The following HOMER2 variants were observed in gnomAD, a reference collection of about 807,000 sequenced individuals.
The protein encoded by HOMER2 is homer scaffold protein 2, also known as homer protein homolog 2.
HOMER2 carries 27 observed loss-of-function variants against 47.0 expected under a neutral mutation model. The ratio of observed to expected loss-of-function variants is 0.57; its 90% confidence interval spans 0.42 to 0.79. The LOEUF (loss-of-function observed/expected upper bound fraction) is 0.79. Among genes scored for constraint, HOMER2 ranks in the 30% least tolerant of loss-of-function variants. The pLI, the probability that HOMER2 is intolerant of heterozygous loss-of-function variation, is 0.00. For missense variants in HOMER2, 443 were observed against 435.0 expected, an observed-to-expected ratio of 1.02 and a Z score of -0.16; for synonymous variants, 161 against 163.8, an observed-to-expected ratio of 0.98 and a Z score of 0.13.
chr15:82,893,122 A>G (rs1179489358), intron 1 of HOMER2, among the ~76,000 whole-genome samples: 1 of 152,166 alleles, frequency 6.6e-6, no homozygotes, highest in African/African-American at 2.4e-5. Flanking sequence ...AGTGTTTTCG[A>G]ATCCCCGTCA....
intron 1 of HOMER2, among the ~76,000 whole-genome samples, chr15:82,928,821 A>G (rs1332261422): frequency 6.6e-6 from 1 of 151,692 alleles, no homozygotes; most frequent in Admixed American, 6.6e-5. Flanking sequence ...GATTTGAGAA[A>G]CCAGTCCCGA....
chr15:82,840,937 CAG>C, exon 2 of HOMER2: 1 of 151,570 alleles, frequency 6.6e-6, no homozygotes. Flanking sequence ...CATAGAAAAA[CAG>C]AGCTTCCCAA....
chr15:82,910,638 T>C (rs190516166), intron 1 of HOMER2, among the ~76,000 whole-genome samples: 1 of 152,196 alleles, frequency 6.6e-6, no homozygotes, highest in Non-Finnish European at 1.5e-5. Flanking sequence ...CTGCTTTAGA[T>C]AATAGGGAAG....
intron 1 of HOMER2, among the ~76,000 whole-genome samples, chr15:82,940,005 G>C (rs2151215711): frequency 6.6e-6 from 1 of 152,290 alleles, no homozygotes; most frequent in Middle Eastern, 3.4e-3. Context: ...CTCATAAGTG[G>C]GAATTGAACA....
At chr15:82,845,823 T>C (rs1227231115), downstream of HOMER2, 4 of 152,226 alleles carry the variant, frequency 2.6e-5, no homozygotes, top group Non-Finnish European at 4.4e-5. Context: ...TGTCCCTGGT[T>C]TCTATAGAGA....
At chr15:82,851,829 C>T (rs1256846593) in intron 7 of HOMER2, among the ~76,000 whole-genome samples, 2 of 152,162 alleles carry the variant, frequency 1.3e-5, no homozygotes, top group Non-Finnish European at 2.9e-5. Flanking sequence ...GGGTCTCTAG[C>T]GGCATTAATT....
At chr15:82,852,404 A>T in intron 6 of HOMER2, 152 bp from the exon 7 acceptor site, 2 of 594,696 alleles carry the variant, frequency 3.4e-6, no homozygotes, top group Admixed American at 3.1e-5. Context: ...AACAAACCCC[A>T]TGCAGCTCCA....
chr15:82,945,586 C>T (rs528196883), intron 1 of HOMER2, among the ~76,000 whole-genome samples: 37 of 151,930 alleles, frequency 2.4e-4, no homozygotes, highest in Non-Finnish European at 4.1e-4. Flanking sequence ...CTTCTTTATG[C>T]TGTTATTTTT....
chr15:82,974,915 C>G (rs989820605), intron 1 of HOMER2, among the ~76,000 whole-genome samples: 1 of 152,000 alleles, frequency 6.6e-6, no homozygotes, highest in Non-Finnish European at 1.5e-5. Context: ...ACTAAACATA[C>G]AAAAATTAGC....
chr15:82,859,666 G>A lies in HOMER2; in HGVS notation c.388-531C>T, dbSNP rs1420279960. On this transcript the variant is annotated intron_variant, in intron 4 of 8. Transcript: ENST00000450735. ...AAAGAGACAAGAACCAGGTCCTGTT[G>A]TTTGCCCACTCCCTTACTACTTAGT... Among the ~76,000 whole-genome samples, 8 of 152,330 alleles carry A rather than the reference G, an allele frequency of 5.3e-5. No individual in the cohort carries two copies. The East Asian group carries it at 1.5e-3, about 29-fold the overall frequency.
intron 3 of HOMER2, among the ~76,000 whole-genome samples, chr15:82,865,980 A>C (rs906693723): frequency 2.0e-4 from 30 of 152,204 alleles, no homozygotes; most frequent in East Asian, 1.9e-4. Flanking sequence ...AAAGTCCCCC[A>C]CAGAGTCCCT....
intron 1 of HOMER2, among the ~76,000 whole-genome samples, chr15:82,977,302 T>C (rs1326144506): frequency 6.6e-6 from 1 of 152,176 alleles, no homozygotes; most frequent in Non-Finnish European, 1.5e-5. Flanking sequence ...TGAGGGAACA[T>C]ATGGAACCCA....
intron 4 of HOMER2, among the ~76,000 whole-genome samples, chr15:82,863,591 G>A (rs2051864410): frequency 3.9e-5 from 6 of 152,038 alleles, no homozygotes; most frequent in Admixed American, 3.9e-4. Context: ...TCACTAGGTC[G>A]ACTTCCCCCA....
At chr15:82,859,335 A>C in intron 4 of HOMER2, 200 bp from the exon 5 acceptor site, 2 of 691,746 alleles carry the variant, frequency 2.9e-6, no homozygotes, top group Non-Finnish European at 4.8e-6. Context: ...ACAAACAAAA[A>C]AGAAAACAAA....
chr15:82,860,682 A>G (rs2051743767), intron 4 of HOMER2, among the ~76,000 whole-genome samples: 2 of 152,152 alleles, frequency 1.3e-5, no homozygotes, highest in South Asian at 4.1e-4. Context: ...CACACCTGTA[A>G]TCCCAGCACT....
In HOMER2 at chr15:82,983,846, C is replaced by T. The variant is rs146815990; in HGVS notation, n.82+1941G>A. Among the ~76,000 whole-genome samples, 9 of 152,060 alleles carry T rather than the reference C, an allele frequency of 5.9e-5. No homozygotes were observed. The East Asian group carries it at 1.7e-3, about 30-fold the overall frequency. ...ACCTCAAGTGATCCGCCTGCCTCGG[C>T]CTCTCAAAGTGCAGGGATTACAGGA... is the stretch of plus-strand genomic sequence containing the variant. On this transcript the variant is annotated intron_variant and non_coding_transcript_variant, in intron 1 of 1. Coordinates refer to the HOMER2 transcript ENST00000500334.
chr15:82,952,452 C>T, intron 1 of HOMER2, 79 bp downstream of exon 1: 1 of 1,045,634 alleles, frequency 9.6e-7, no homozygotes, highest in Non-Finnish European at 1.2e-6. Context: ...CGGGAGGCTC[C>T]GAGCCCGGTT....
chr15:82,924,630 T>G (rs2053814061), intron 1 of HOMER2, among the ~76,000 whole-genome samples: 3 of 152,164 alleles, frequency 2.0e-5, no homozygotes. Flanking sequence ...CATACGGCAA[T>G]GCTTGCTAAG....
In HOMER2 at chr15:82,913,885, C is replaced by A. The variant is rs1216159973; in HGVS notation, c.6-21044G>T. 6.6e-6 allele frequency among the ~76,000 whole-genome samples: 1 copy of A among 151,946 alleles called. No individual in the cohort carries two copies. The highest frequency in any genetic ancestry group is 2.4e-5 in the African/African-American group (1 of 41,336). On this transcript the variant is annotated intron_variant, in intron 1 of 8. Coordinates refer to ENST00000450735, the MANE Select transcript of HOMER2 (RefSeq NM_004839.4). This position sits in a 1 kb window ranked among gnomAD's most constrained non-coding sequence, Gnocchi z 4.1. ...CCCTGCAATTCTTCTAGGTATATACCCAAAAGCATTGAAAGCAGACCCAAA... is the reference window on the plus strand; with the variant it reads ...CCCTGCAATTCTTCTAGGTATATACACAAAAGCATTGAAAGCAGACCCAAA...
Sources: gnomAD v4.1 joint callset for allele counts (sites outside exome capture counted in the v4.1 genomes callset) on GRCh38, gnomAD v4.1.1 for gene constraint, Gnocchi (gnomAD v3.1) non-coding constraint, MANE v1.5 for transcripts, NCBI Gene and HGNC (gene_info 2026-07-23, HGNC 2026-07-21) for gene names.